SYNDIG1: variants seen among roughly 807,000 people sequenced by gnomAD.
The protein encoded by SYNDIG1 is synapse differentiation-inducing gene protein 1.
A neutral mutation model predicts 19.4 loss-of-function variants in SYNDIG1; 9 were observed. The observed-to-expected ratio is 0.46, with a 90% confidence interval of 0.28 to 0.81. The LOEUF (loss-of-function observed/expected upper bound fraction) is 0.81, where lower values mean the gene tolerates loss of function less well. SYNDIG1 is among the 30% of genes least tolerant of loss of function. The pLI is 0.12. For synonymous variants in SYNDIG1, 141 were observed against 145.9 expected (o/e 0.97, Z 0.24); for missense variants, 311 against 343.3 (o/e 0.91, Z 0.74).
intron 1 of SYNDIG1, among the ~76,000 whole-genome samples, chr20:24,496,948 G>A (rs2056318786): frequency 6.6e-6 from 1 of 152,048 alleles, no homozygotes; most frequent in Non-Finnish European, 1.5e-5. Flanking sequence ...GTACCTTTGA[G>A]TTTCTAGATC....
At chr20:24,536,719 T>C (rs1393561761) in intron 1 of SYNDIG1, among the ~76,000 whole-genome samples, 1 of 152,106 alleles carries the variant, frequency 6.6e-6, no homozygotes, top group African/African-American at 2.4e-5. Context: ...GCCAGCATGG[T>C]CTCAGGCCCC....
intron 2 of SYNDIG1, among the ~76,000 whole-genome samples, chr20:24,544,252 C>G (rs777549164): frequency 3.9e-5 from 6 of 152,186 alleles, no homozygotes; most frequent in African/African-American, 7.2e-5. Flanking sequence ...CCCCCCAGGA[C>G]AGCACCGGTG....
intron 2 of SYNDIG1, among the ~76,000 whole-genome samples, chr20:24,568,393 T>C (rs1295097519): frequency 6.6e-6 from 1 of 152,154 alleles, no homozygotes; most frequent in Non-Finnish European, 1.5e-5. Flanking sequence ...CATCTGTCTG[T>C]CGTGAGCATG....
At chr20:24,638,924 AG>A (rs2059344628) in intron 3 of SYNDIG1, among the ~76,000 whole-genome samples, 1 of 152,178 alleles carries the variant, frequency 6.6e-6, no homozygotes, top group South Asian at 2.1e-4. Context: ...GTCATAGGCC[AG>A]GCACGCAGGA....
intron 1 of SYNDIG1, among the ~76,000 whole-genome samples, chr20:24,486,580 T>C (rs1347989200): frequency 6.6e-6 from 1 of 152,196 alleles, no homozygotes; most frequent in Non-Finnish European, 1.5e-5. Flanking sequence ...GCATGCGAGC[T>C]CTGGTCCAGT....
rs2146309020 is a variant in SYNDIG1, at chr20:24,491,067, G to C, written c.-79+21314G>C. On this transcript the variant is annotated intron_variant, in intron 1 of 3. Coordinates refer to ENST00000376862, the MANE Select transcript of SYNDIG1 (RefSeq NM_024893.3). ...GTCGGCCTTTGAGGTCCAGGGTCAG[G>C]AAAGGACAGGCGCCATGGCGTGCAA... 3.3e-5 allele frequency among the ~76,000 whole-genome samples: 5 copies of C among 152,344 alleles called. No individual in the cohort carries two copies. The Middle Eastern group carries it at 0.017, about 518-fold the overall frequency.
rs530055604 is a variant in SYNDIG1, at chr20:24,584,706, A to G, written c.481-150A>G. ...CCTGGGAGGCTGTGTACTTGCAGCA[A>G]TAACGATGACTCGAACAACGTCAGC... On this transcript the variant is annotated intron_variant, in intron 2 of 3. Coordinates refer to ENST00000376862, the MANE Select transcript of SYNDIG1 (RefSeq NM_024893.3). 4.7e-6 allele frequency: 5 copies of G among 1,060,326 alleles called. No individual in the cohort carries two copies. The South Asian group carries it at 5.5e-5, about 12-fold the overall frequency. 65.7% of individuals were successfully genotyped at this position (1,060,326 alleles called of 1,614,324 possible). A position where few individuals can be genotyped will look rare whatever the true frequency, so the allele number is the denominator to read the frequency against.
intron 3 of SYNDIG1, among the ~76,000 whole-genome samples, chr20:24,654,243 T>C (rs1047484082): frequency 2.0e-5 from 3 of 151,516 alleles, no homozygotes; most frequent in Non-Finnish European, 4.4e-5. Context: ...TGAGAGCGCC[T>C]CTACCATGGA....
At chr20:24,628,429 T>A (rs1161442275) in intron 3 of SYNDIG1, among the ~76,000 whole-genome samples, 1 of 152,174 alleles carries the variant, frequency 6.6e-6, no homozygotes. Flanking sequence ...GTGTGGACCA[T>A]CAACTGAGGT....
chr20:24,470,055 G>A (rs981303592), intron 1 of SYNDIG1, among the ~76,000 whole-genome samples: 1 of 152,168 alleles, frequency 6.6e-6, no homozygotes, highest in African/African-American at 2.4e-5. Flanking sequence ...TTGGTGCCTT[G>A]CCACCCCGGG....
At chr20:24,561,747 G>A (rs189141082) in intron 2 of SYNDIG1, among the ~76,000 whole-genome samples, 16 of 152,154 alleles carry the variant, frequency 1.1e-4, no homozygotes, top group Admixed American at 6.5e-4. Flanking sequence ...AGCAGAAGCC[G>A]TGCCAGGATA....
At chr20:24,556,540 T>G (rs1481915699) in intron 2 of SYNDIG1, among the ~76,000 whole-genome samples, 1 of 152,164 alleles carries the variant, frequency 6.6e-6, no homozygotes, top group Non-Finnish European at 1.5e-5. Context: ...GTCTGTAAAG[T>G]ATTTTATTTC....
intron 1 of SYNDIG1, among the ~76,000 whole-genome samples, chr20:24,510,463 G>A (rs2146455007): frequency 6.6e-6 from 1 of 151,570 alleles, no homozygotes; most frequent in Admixed American, 6.6e-5. Context: ...CAACTACTAG[G>A]GAGGCTGAGG....
At chr20:24,618,702 G>C (rs2058988461) in intron 3 of SYNDIG1, among the ~76,000 whole-genome samples, 1 of 152,200 alleles carries the variant, frequency 6.6e-6, no homozygotes, top group Non-Finnish European at 1.5e-5. Flanking sequence ...ACATATTAAA[G>C]TTAATGGAGT....
chr20:24,475,300 C>T (rs1037902088), intron 1 of SYNDIG1, among the ~76,000 whole-genome samples: 4 of 152,256 alleles, frequency 2.6e-5, no homozygotes, highest in Non-Finnish European at 4.4e-5. Flanking sequence ...GGAAGCCCAA[C>T]TCATCCTACA....
Position 24,555,976 on chromosome 20 carries a change from A to T in SYNDIG1, c.480+12399A>T, listed in dbSNP as rs560653424. 7.0e-4 allele frequency among the ~76,000 whole-genome samples: 106 copies of T among 152,206 alleles called. 1 individual carries two copies. Among genetic ancestry groups the T allele is most frequent in the African/African-American group, 2.5e-3 (103 of 41,526 alleles). On this transcript the variant is annotated intron_variant, in intron 2 of 3. Coordinates refer to ENST00000376862, the MANE Select transcript of SYNDIG1 (RefSeq NM_024893.3). ...TAGGTCACTCAGGACTTGCTTTATGAATCTGGGTGCTCCTCTATTGGGTGC... is the reference window on the plus strand; with the variant it reads ...TAGGTCACTCAGGACTTGCTTTATGTATCTGGGTGCTCCTCTATTGGGTGC...
At chr20:24,613,490 G>A (rs571976505) in intron 3 of SYNDIG1, among the ~76,000 whole-genome samples, 3 of 152,170 alleles carry the variant, frequency 2.0e-5, no homozygotes, top group Non-Finnish European at 4.4e-5. Flanking sequence ...AGGACTGGGC[G>A]AGGACTTGCC....
At chr20:24,570,937 TACTC>T (rs1264971949) in intron 2 of SYNDIG1, among the ~76,000 whole-genome samples, 1 of 152,202 alleles carries the variant, frequency 6.6e-6, no homozygotes, top group African/African-American at 2.4e-5. Flanking sequence ...TATGGACTAT[TACTC>T]AGGAAAAAAA....
intron 3 of SYNDIG1, among the ~76,000 whole-genome samples, chr20:24,595,189 A>G (rs2058577283): frequency 6.6e-6 from 1 of 152,164 alleles, no homozygotes; most frequent in Admixed American, 6.5e-5. Flanking sequence ...TGCTCCTTCA[A>G]TGCCTAGTTT....
Sources: allele counts gnomAD v4.1 joint callset (sites outside exome capture counted in the v4.1 genomes callset), GRCh38; gene constraint gnomAD v4.1.1; transcripts MANE v1.5; gene names NCBI Gene and HGNC (gene_info 2026-07-23, HGNC 2026-07-21).